Variants in MPP7 observed in about 807,000 individuals in gnomAD.
MPP7 encodes the protein MAGUK p55 scaffold protein 7.
A neutral mutation model predicts 76.5 loss-of-function variants in MPP7; 60 were observed. The observed-to-expected ratio is 0.78, with a 90% CI of 0.64 to 0.97. The LOEUF (loss-of-function observed/expected upper bound fraction) is 0.97, where lower values mean the gene tolerates loss of function less well. Among genes scored for constraint, MPP7 ranks in the 50% least tolerant of loss-of-function variants. The pLI, the probability that MPP7 is intolerant of heterozygous loss-of-function variation, is 0.00. For missense variants in MPP7, 641 were observed against 694.0 expected (o/e 0.92, Z 0.86); for synonymous variants, 237 against 244.5 (o/e 0.97, Z 0.29).
At chr10:28,211,107 C>CT (rs61524219) in intron 2 of MPP7, among the ~76,000 whole-genome samples, 26,458 of 148,918 alleles carry the variant, frequency 0.18, 2,890 homozygotes, top group East Asian at 0.56. Flanking sequence ...ACTGTCTTTT[C>CT]TTTTTTTTTT....
At chr10:28,055,430 C>G (rs1851517715) in intron 16 of MPP7, among the ~76,000 whole-genome samples, 1 of 151,976 alleles carries the variant, frequency 6.6e-6, no homozygotes, top group Admixed American at 6.6e-5. Flanking sequence ...TAATGATGAG[C>G]TAATTAAGAG....
chr10:28,073,665 G>A (rs1227125814), intron 12 of MPP7, among the ~76,000 whole-genome samples: 3 of 152,142 alleles, frequency 2.0e-5, no homozygotes, highest in South Asian at 2.1e-4. Context: ...AGCTACTTGG[G>A]AGGCTGAGGC....
At chr10:28,241,472 A>G (rs541859044) in intron 1 of MPP7, among the ~76,000 whole-genome samples, 1 of 152,318 alleles carries the variant, frequency 6.6e-6, no homozygotes, top group South Asian at 2.1e-4. Context: ...TGTGGAATGA[A>G]GCAAAGTTGC....
chr10:28,057,881 G>T lies in MPP7; in HGVS notation c.1407+614C>A. 2.5e-6 allele frequency: 3 copies of T among 1,209,900 alleles called. No homozygotes were observed. In the South Asian group the frequency reaches 4.4e-5, roughly 18 times the overall value. The allele number at this position is 1,209,900 out of a possible 1,614,324, so 74.9% of individuals were successfully genotyped here. A position where few individuals can be genotyped will look rare whatever the true frequency, so the allele number is the denominator to read the frequency against. On this transcript the variant is annotated intron_variant, in intron 15 of 16. Transcript: ENST00000683449. ...GATGAGGAAAATGCTGTGGGCTGGG[G>T]ATCTGCTGGAAGATGTATGGTTTGA...
intron 1 of MPP7, among the ~76,000 whole-genome samples, chr10:28,293,925 T>C (rs1840980878): frequency 6.6e-6 from 1 of 152,112 alleles, no homozygotes; most frequent in Non-Finnish European, 1.5e-5. Context: ...GTTTCACTAA[T>C]GAAAGGATAG....
Position 28,238,632 on chromosome 10 carries a change from C to T in MPP7, c.-28G>A. ...TGCAAGGTGTAGGAACAGGTCAGCC[C>T]ACCGCTCTCCGGACACCCTGCCTTC... On this transcript the variant is annotated 5_prime_UTR_variant, in exon 2 of 17. Coordinates refer to ENST00000683449, the MANE Select transcript of MPP7 (RefSeq NM_001318170.2). The T allele has an allele frequency of 3.7e-6, 6 of 1,613,866 alleles. No individual in the cohort carries two copies. The highest frequency in any genetic ancestry group is 5.1e-6 in the Non-Finnish European group (6 of 1,179,850).
At chr10:28,154,569 T>C (rs1427325883) in intron 3 of MPP7, among the ~76,000 whole-genome samples, 1 of 152,158 alleles carries the variant, frequency 6.6e-6, no homozygotes, top group East Asian at 1.9e-4. Context: ...AATTAAATGA[T>C]TAAAAAGCAA....
chr10:28,170,050 T>G (rs190567577), intron 3 of MPP7, among the ~76,000 whole-genome samples: 1 of 152,292 alleles, frequency 6.6e-6, no homozygotes, highest in Admixed American at 6.5e-5. Context: ...ATAATTACTA[T>G]AGATTTCAGT....
At chr10:28,249,659 C>T (rs190891916) in intron 1 of MPP7, among the ~76,000 whole-genome samples, 10 of 152,288 alleles carry the variant, frequency 6.6e-5, no homozygotes, top group African/African-American at 2.2e-4. Context: ...GCAGACTCTG[C>T]TAGTGCCAGT....
At position 28,052,399 on chromosome 10, in the gene MPP7, T is replaced by C. The variant is rs1426563831; in HGVS notation, c.*1666A>G. 1 of 152,256 alleles carries C rather than the reference T, an allele frequency of 6.6e-6. No individual in the cohort carries two copies. Among genetic ancestry groups the C allele is most frequent in the Admixed American group, 6.5e-5 (1 of 15,278 alleles). The allele number at this position is 152,256 out of a possible 1,614,324, so 9.4% of individuals were successfully genotyped here. ...TCACTGTCTGGATCACGTTGTTATA[T>C]AATACTTAGTCTGATTATCTATTTT... On this transcript the variant is annotated 3_prime_UTR_variant, in exon 17 of 17. Coordinates refer to ENST00000683449, the MANE Select transcript of MPP7 (RefSeq NM_001318170.2).
At position 28,319,875 on chromosome 10, in the gene MPP7, C is replaced by T. The variant is rs200798441; in HGVS notation, c.-132+10054G>A. ...CCTGTGGTCCCAGCTACTCAGGAGG[C>T]TGAGGCAGGAGGATAGCTTGAACCC... is the stretch of plus-strand genomic sequence containing the variant. On this transcript the variant is annotated intron_variant, in intron 2 of 11. Transcript: ENST00000441595. 1.8e-4 allele frequency among the ~76,000 whole-genome samples: 27 copies of T among 152,148 alleles called. No homozygotes were observed. The East Asian group carries it at 5.2e-3, about 29-fold the overall frequency.
chr10:28,151,253 C>A (rs1835874465), intron 3 of MPP7, among the ~76,000 whole-genome samples: 2 of 152,048 alleles, frequency 1.3e-5, no homozygotes, highest in Admixed American at 1.3e-4. Context: ...TATGATATTA[C>A]CAGAATGATC....
chr10:28,181,486 A>G (rs1301694569), intron 3 of MPP7, among the ~76,000 whole-genome samples: 3 of 152,266 alleles, frequency 2.0e-5, no homozygotes, highest in African/African-American at 4.8e-5. Context: ...TTCATCAATT[A>G]TTTGTGAATA....
chr10:28,314,352 T>G (rs1841307149), intron 2 of MPP7, among the ~76,000 whole-genome samples: 1 of 152,140 alleles, frequency 6.6e-6, no homozygotes, highest in Non-Finnish European at 1.5e-5. Flanking sequence ...CCTGTCCATC[T>G]CCAGTGTAAC....
At chr10:28,106,709 A>G (rs565193617) in intron 11 of MPP7, among the ~76,000 whole-genome samples, 3 of 152,154 alleles carry the variant, frequency 2.0e-5, no homozygotes, top group African/African-American at 7.2e-5. Flanking sequence ...AACTATAAAA[A>G]CTGCCTCGGA....
intron 3 of MPP7, among the ~76,000 whole-genome samples, chr10:28,180,724 C>T (rs1837031707): frequency 6.6e-6 from 1 of 152,170 alleles, no homozygotes; most frequent in African/African-American, 2.4e-5. Flanking sequence ...AACTCTGCTC[C>T]ACAAGCCCAC....
At chr10:28,318,539 G>T (rs942139845) in intron 2 of MPP7, among the ~76,000 whole-genome samples, 2 of 152,144 alleles carry the variant, frequency 1.3e-5, no homozygotes, top group Non-Finnish European at 2.9e-5. Context: ...ATAAAAATTA[G>T]CTGGACATGG....
chr10:28,059,600 T>C, intron 14 of MPP7, 50 bp downstream of exon 14: 4 of 1,190,388 alleles, frequency 3.4e-6, no homozygotes, highest in South Asian at 2.4e-5. Context: ...GGGACAGGCA[T>C]GTGCTTATAA....
At chr10:28,269,173 G>A (rs1410675702) in intron 1 of MPP7, among the ~76,000 whole-genome samples, 2 of 152,180 alleles carry the variant, frequency 1.3e-5, no homozygotes, top group African/African-American at 4.8e-5. Flanking sequence ...GATTGATGCA[G>A]GACCTTTGGG....
Sources: allele counts gnomAD v4.1 joint callset (sites outside exome capture counted in the v4.1 genomes callset), GRCh38; gene constraint gnomAD v4.1.1; transcripts MANE v1.5; gene names NCBI Gene and HGNC (gene_info 2026-07-23, HGNC 2026-07-21).